FBXL5: variants seen among roughly 807,000 people sequenced by gnomAD.
FBXL5 encodes the protein F-box/LRR-repeat protein 5.
FBXL5 carries 26 observed loss-of-function variants against 78.3 expected under a neutral mutation model. The observed-to-expected ratio is 0.33, with a 90% CI of 0.24 to 0.46. FBXL5 has a LOEUF of 0.46. Ranked by LOEUF, FBXL5 falls within the 20% of genes least tolerant of loss-of-function variation. The pLI is 1.00. For missense variants in FBXL5, 710 were observed against 829.2 expected, an observed-to-expected ratio of 0.86 and a Z score of 1.77; for synonymous variants, 295 against 282.5, an observed-to-expected ratio of 1.04 and a Z score of -0.45.
intron 1 of FBXL5, among the ~76,000 whole-genome samples, chr4:15,653,903 G>A (rs1716469799): frequency 6.6e-6 from 1 of 152,188 alleles, no homozygotes; most frequent in Non-Finnish European, 1.5e-5. Flanking sequence ...TAGACATCAG[G>A]ACTTCTAATA....
upstream of FBXL5, chr4:15,656,213 A>G: frequency 4.4e-6 from 2 of 456,212 alleles, no homozygotes; most frequent in South Asian, 3.1e-5. Context: ...TTCGGAGAGA[A>G]AACAAGGTCA....
At chr4:15,654,589 G>A (rs73241198) in intron 1 of FBXL5, among the ~76,000 whole-genome samples, 4 of 152,190 alleles carry the variant, frequency 2.6e-5, no homozygotes, top group Non-Finnish European at 5.9e-5. Flanking sequence ...AACGACACAT[G>A]AAGAGTGAAG....
intron 10 of FBXL5, among the ~76,000 whole-genome samples, chr4:15,610,154 T>C (rs938263528): frequency 2.0e-5 from 3 of 152,098 alleles, no homozygotes; most frequent in Non-Finnish European, 4.4e-5. Flanking sequence ...AGATATCTAC[T>C]GTACAAGCTG....
upstream of FBXL5, among the ~76,000 whole-genome samples, chr4:15,661,364 G>T (rs1287237412): frequency 6.6e-6 from 1 of 152,184 alleles, no homozygotes; most frequent in Non-Finnish European, 1.5e-5. Context: ...AGTCTCCAGA[G>T]TATCCTGAGA....
chr4:15,625,836 A>T lies in FBXL5; in HGVS notation c.1266T>A (p.Ser422=). ...TSHQSGFLKT[S]TSKITSTAWK... is the part of the protein sequence containing the mutation. ...ACGCAGTTGAAGTAATTTTGCTTGT[A>T]GATGTTTTCAAAAAGCCACTTTGAT... The change falls in exon 9 of 11, where the codon TCT becomes TCA. Residue 422 remains serine (S), a synonymous_variant. Coordinates refer to ENST00000341285, the MANE Select transcript of FBXL5 (RefSeq NM_012161.4). The T allele has an allele frequency of 6.2e-7, 1 of 1,614,184 alleles. No individual in the cohort carries two copies.
At chr4:15,631,766 T>G (rs1713694372) in intron 5 of FBXL5, among the ~76,000 whole-genome samples, 1 of 117,490 alleles carries the variant, frequency 8.5e-6, no homozygotes, top group Non-Finnish European at 2.0e-5. Flanking sequence ...GATGGGGTTG[T>G]TTTTTTTTCT....
intron 5 of FBXL5, among the ~76,000 whole-genome samples, chr4:15,633,961 A>G (rs1713956775): frequency 6.6e-6 from 1 of 152,156 alleles, no homozygotes. Flanking sequence ...GACAATACTG[A>G]CATTTTGGGC....
intron 9 of FBXL5, among the ~76,000 whole-genome samples, chr4:15,615,968 T>G (rs143246450): frequency 6.6e-6 from 1 of 152,092 alleles, no homozygotes; most frequent in Non-Finnish European, 1.5e-5. Flanking sequence ...GCTGCTTTTA[T>G]GAGCTGTAAC....
chr4:15,645,919 G>C (rs1715305265), intron 1 of FBXL5, among the ~76,000 whole-genome samples: 3 of 152,112 alleles, frequency 2.0e-5, no homozygotes, highest in South Asian at 4.1e-4. Flanking sequence ...GGCAGGCACT[G>C]TTCTTTGGTA....
intron 9 of FBXL5, among the ~76,000 whole-genome samples, chr4:15,617,545 CAA>C (rs34036474): frequency 1.3e-4 from 15 of 114,310 alleles, no homozygotes; most frequent in Non-Finnish European, 1.4e-4. Flanking sequence ...CTCCATGTCT[CAA>C]AAAAAAAAAA....
chr4:15,671,451 G>GT (rs2148811214), intron 1 of FBXL5, among the ~76,000 whole-genome samples: 2 of 151,056 alleles, frequency 1.3e-5, no homozygotes, highest in East Asian at 4.0e-4. Context: ...TTGGGTTTTT[G>GT]TTTAAGAGAC....
intron 9 of FBXL5, among the ~76,000 whole-genome samples, chr4:15,615,390 G>A (rs1465404355): frequency 2.0e-4 from 30 of 151,842 alleles, no homozygotes; most frequent in African/African-American, 7.3e-4. Context: ...AGTCTGGTGG[G>A]GACGTGGAGA....
chr4:15,656,279 ACCT>A (rs372498388), upstream of FBXL5: 16 of 456,030 alleles, frequency 3.5e-5, no homozygotes, highest in African/African-American at 2.2e-4. Context: ...CTGGCCACAG[ACCT>A]CCTGGAGACT....
At chr4:15,645,960 T>C (rs1715307436) in intron 1 of FBXL5, among the ~76,000 whole-genome samples, 2 of 152,200 alleles carry the variant, frequency 1.3e-5, no homozygotes, top group African/African-American at 4.8e-5. Context: ...AAAACAAAGA[T>C]TTCTTGCCTT....
At chr4:15,664,028 A>G (rs1361560133), upstream of FBXL5, among the ~76,000 whole-genome samples, 1 of 152,198 alleles carries the variant, frequency 6.6e-6, no homozygotes, top group African/African-American at 2.4e-5. Context: ...AAGAAGCTAC[A>G]TAATTTGCCC....
At chr4:15,617,260 G>A (rs187533960) in intron 9 of FBXL5, among the ~76,000 whole-genome samples, 28 of 152,272 alleles carry the variant, frequency 1.8e-4, no homozygotes, top group Middle Eastern at 3.4e-3. Context: ...TGTGGTACAA[G>A]GCCGGGCACA....
chr4:15,655,083 C>A, intron 1 of FBXL5, 121 bp downstream of exon 1: 1 of 712,226 alleles, frequency 1.4e-6, no homozygotes, highest in Non-Finnish European at 1.9e-6. Flanking sequence ...GCGCAGGCGG[C>A]TACTCGCGCG....
chr4:15,613,357 T>A (rs975440660), intron 9 of FBXL5, among the ~76,000 whole-genome samples: 2 of 152,148 alleles, frequency 1.3e-5, no homozygotes, highest in African/African-American at 4.8e-5. Flanking sequence ...GGTATGTTAA[T>A]TACATTTCAA....
At chr4:15,628,535 C>T (rs886815163) in intron 6 of FBXL5, among the ~76,000 whole-genome samples, 1 of 152,070 alleles carries the variant, frequency 6.6e-6, no homozygotes, top group African/African-American at 2.4e-5. Context: ...ACACACTACA[C>T]TAAAAAGAAT....
Sources: allele counts gnomAD v4.1 joint callset (sites outside exome capture counted in the v4.1 genomes callset), GRCh38; gene constraint gnomAD v4.1.1; transcripts MANE v1.5; gene names NCBI Gene and HGNC (gene_info 2026-07-23, HGNC 2026-07-21).